Variants in ATP2B2 observed in about 807,000 individuals in gnomAD.
The protein encoded by ATP2B2 is plasma membrane calcium-transporting ATPase 2.
A neutral mutation model predicts 120.0 loss-of-function variants in ATP2B2; 15 were observed. The observed-to-expected ratio is 0.12, with a 90% confidence interval of 0.08 to 0.19. The LOEUF is 0.19. Ranked by LOEUF, ATP2B2 falls within the 10% of genes least tolerant of loss-of-function variation. The probability of loss-of-function intolerance (pLI) is 1.00; values close to 1 mark genes in which losing one functional copy is unlikely to be tolerated. For missense variants in ATP2B2, 1,045 were observed against 1,719.8 expected (o/e 0.61, Z 6.94); for synonymous variants, 694 against 700.3 (o/e 0.99, Z 0.14).
At chr3:10,617,313 CACATATTA>C (rs2069416960) in intron 2 of ATP2B2, among the ~76,000 whole-genome samples, 1 of 152,098 alleles carries the variant, frequency 6.6e-6, no homozygotes. Context: ...TGTCTCATCA[CACATATTA>C]AAAGATTCCC....
intron 2 of ATP2B2, among the ~76,000 whole-genome samples, chr3:10,586,718 A>G (rs2068518490): frequency 6.6e-6 from 1 of 152,218 alleles, no homozygotes; most frequent in Admixed American, 6.5e-5. Flanking sequence ...CAGAGGGGTG[A>G]GAGGGAGCAT....
In ATP2B2 at chr3:10,326,617, T is replaced by G. The variant is rs778434525; in HGVS notation, c.*2197A>C. On this transcript the variant is annotated 3_prime_UTR_variant, in exon 23 of 23. Transcript: ENST00000360273. ...TTGTAGGAGAGCAGTGGGCTGGCTT[T>G]GGTGGCGTTTGTACTGGAATCCAAT... is the stretch of plus-strand genomic sequence containing the variant. 2.5e-6 allele frequency: 1 copy of G among 398,380 alleles called. No homozygotes were observed. Among genetic ancestry groups the G allele is most frequent in the Non-Finnish European group, 4.4e-6 (1 of 226,044 alleles). 24.7% of individuals were successfully genotyped at this position (398,380 alleles called of 1,614,324 possible). A position where few individuals can be genotyped will look rare whatever the true frequency, so the allele number is the denominator to read the frequency against.
chr3:10,410,796 T>C lies in ATP2B2; in HGVS notation c.219A>G (p.Pro73=). The C allele has an allele frequency of 1.2e-6, 2 of 1,614,108 alleles. No individual in the cohort carries two copies. Among genetic ancestry groups the C allele is most frequent in the Non-Finnish European group, 1.7e-6 (2 of 1,180,056 alleles). ...SPVEGLPGTA[P]DLEKRKQIFG... Reference sequence around the variant, plus strand: ...AAATTTGCTTTCTCTTTTCCAGGTCTGGAGCGGTGCCCGGCAAACCTGTGG... The same window carrying C: ...AAATTTGCTTTCTCTTTTCCAGGTCCGGAGCGGTGCCCGGCAAACCTGTGG... The change falls in exon 3 of 23, where the codon CCA becomes CCG. Residue 73 remains proline, a synonymous_variant. Coordinates refer to ENST00000360273, the MANE Select transcript of ATP2B2 (RefSeq NM_001001331.4).
intron 2 of ATP2B2, among the ~76,000 whole-genome samples, chr3:10,445,060 C>T (rs1433081686): frequency 6.6e-6 from 1 of 152,242 alleles, no homozygotes; most frequent in Non-Finnish European, 1.5e-5. Flanking sequence ...CTGCATTGGG[C>T]ACCGCCAGTG....
intron 1 of ATP2B2, among the ~76,000 whole-genome samples, chr3:10,643,190 C>T (rs566537594): frequency 1.3e-4 from 20 of 152,250 alleles, no homozygotes; most frequent in African/African-American, 4.1e-4. Context: ...ATAATTAATA[C>T]GGTAATTAAC....
At chr3:10,523,850 A>AAAAGAAAATGCAG (rs34346060) in intron 3 of ATP2B2, among the ~76,000 whole-genome samples, 9 of 152,026 alleles carry the variant, frequency 5.9e-5, no homozygotes, top group African/African-American at 2.2e-4. Flanking sequence ...GCAGAAAAAA[A>AAAAGAAAATGCAG]AAAAAATAAA....
At chr3:10,507,654 G>A (rs1007367112), upstream of ATP2B2, among the ~76,000 whole-genome samples, 77 of 152,162 alleles carry the variant, frequency 5.1e-4, no homozygotes, top group Admixed American at 4.9e-3. Flanking sequence ...AAAATAGCCC[G>A]AGAAGCAGCC....
intron 2 of ATP2B2, among the ~76,000 whole-genome samples, chr3:10,551,844 G>T (rs1298463639): frequency 6.6e-6 from 1 of 152,212 alleles, no homozygotes; most frequent in Non-Finnish European, 1.5e-5. Context: ...TTGAAAAGGG[G>T]ACTCTAGCTT....
In ATP2B2 at chr3:10,630,918, G is replaced by A. The variant is rs1015269012; in HGVS notation, c.-459-10957C>T. Among the ~76,000 whole-genome samples the A allele has an allele frequency of 1.2e-4, 19 of 152,250 alleles. 1 individual carries two copies. Among genetic ancestry groups the A allele is most frequent in the Admixed American group, 2.0e-4 (3 of 15,288 alleles). On this transcript the variant is annotated intron_variant, in intron 1 of 21. Transcript: ENST00000646379. The stretch of plus-strand genomic sequence containing the variant: ...TTTGAACCCATGTCTTTGGTTTCTC[G>A]ATGGCACAGTCTTTCAACTACTTCC...
At chr3:10,417,569 C>T (rs2062833804) in intron 2 of ATP2B2, among the ~76,000 whole-genome samples, 1 of 152,186 alleles carries the variant, frequency 6.6e-6, no homozygotes, top group Non-Finnish European at 1.5e-5. Context: ...CTTCTCAGGC[C>T]CTCTGAAGCT....
intron 12 of ATP2B2, among the ~76,000 whole-genome samples, chr3:10,364,586 C>G (rs1322655338): frequency 6.6e-6 from 1 of 151,932 alleles, no homozygotes; most frequent in African/African-American, 2.4e-5. Context: ...TGGCAGGCCC[C>G]TGTAATCCCA....
At chr3:10,440,421 ATG>A (rs1385859853) in intron 2 of ATP2B2, among the ~76,000 whole-genome samples, 1 of 152,222 alleles carries the variant, frequency 6.6e-6, no homozygotes, top group Non-Finnish European at 1.5e-5. Context: ...CATACACAGC[ATG>A]AACAAACAGA....
At chr3:10,633,205 C>T (rs1194536975) in intron 1 of ATP2B2, among the ~76,000 whole-genome samples, 1 of 152,192 alleles carries the variant, frequency 6.6e-6, no homozygotes, top group Admixed American at 6.5e-5. Flanking sequence ...AATGAGAATT[C>T]TAATGGCTGT....
chr3:10,583,598 G>A (rs2068440935), intron 2 of ATP2B2, among the ~76,000 whole-genome samples: 1 of 152,186 alleles, frequency 6.6e-6, no homozygotes, highest in Non-Finnish European at 1.5e-5. Context: ...TGCAAAAGAT[G>A]CAAGTTGTTT....
intron 1 of ATP2B2, among the ~76,000 whole-genome samples, chr3:10,484,505 G>A (rs1286697276): frequency 1.3e-5 from 2 of 152,068 alleles, no homozygotes; most frequent in Non-Finnish European, 2.9e-5. Context: ...AGCTCTCCAT[G>A]ACCCACCTGC....
chr3:10,336,822 C>T (rs1217651761), intron 22 of ATP2B2, among the ~76,000 whole-genome samples: 3 of 152,248 alleles, frequency 2.0e-5, no homozygotes, highest in African/African-American at 7.2e-5. Context: ...AAGCACCTGA[C>T]CCGTGTTAGC....
At chr3:10,425,268 C>A (rs1239447564) in intron 2 of ATP2B2, among the ~76,000 whole-genome samples, 2 of 152,028 alleles carry the variant, frequency 1.3e-5, no homozygotes, top group Admixed American at 6.6e-5. Context: ...CGAGATCGTG[C>A]CACTGTACTC....
At position 10,635,745 on chromosome 3, in the gene ATP2B2, T is replaced by A. The variant is rs1406113464; in HGVS notation, c.-459-15784A>T. Among the ~76,000 whole-genome samples the A allele has an allele frequency of 1.3e-5, 2 of 152,200 alleles. No individual in the cohort carries two copies. Among genetic ancestry groups the A allele is most frequent in the Non-Finnish European group, 2.9e-5 (2 of 68,038 alleles). ...GATTGTGCCCTCTCAGTCATTCTCA[T>A]CAATCCCTGCCAGCTTTGCACTGAC... On this transcript the variant is annotated intron_variant, in intron 1 of 21. Transcript: ENST00000646379. This position sits in a 1 kb window ranked among gnomAD's most constrained non-coding sequence, Gnocchi z 4.3.
intron 1 of ATP2B2, among the ~76,000 whole-genome samples, chr3:10,696,245 A>C (rs2071740193): frequency 6.6e-6 from 1 of 152,170 alleles, no homozygotes. Context: ...GTGCCCAAAA[A>C]TAGATTCCAA....
Sources: allele counts gnomAD v4.1 joint callset (sites outside exome capture counted in the v4.1 genomes callset), GRCh38; gene constraint gnomAD v4.1.1; non-coding constraint Gnocchi (gnomAD v3.1); transcripts MANE v1.5; gene names NCBI Gene and HGNC (gene_info 2026-07-23, HGNC 2026-07-21).